RARB: variants seen among roughly 807,000 people sequenced by gnomAD.
The protein encoded by RARB is retinoic acid receptor beta, also known as HBV-activated protein.
A neutral mutation model predicts 51.9 loss-of-function variants in RARB; 17 were observed. The observed-to-expected ratio is 0.33, with a 90% CI of 0.22 to 0.49. RARB has a LOEUF of 0.49. Among genes scored for constraint, RARB ranks in the 20% least tolerant of loss-of-function variants. RARB has a pLI of 0.99. For synonymous variants in RARB, 215 were observed against 195.4 expected, an observed-to-expected ratio of 1.10 and a Z score of -0.84; for missense variants, 369 against 550.8, an observed-to-expected ratio of 0.67 and a Z score of 3.30.
intron 2 of RARB, among the ~76,000 whole-genome samples, chr3:25,049,219 G>A (rs536862349): frequency 6.6e-6 from 1 of 152,292 alleles, no homozygotes; most frequent in South Asian, 2.1e-4. Flanking sequence ...AAGAACTAAG[G>A]AACTGGGAGA....
chr3:24,873,296 T>C (rs2125350929), intron 2 of RARB, among the ~76,000 whole-genome samples: 1 of 152,146 alleles, frequency 6.6e-6, no homozygotes, highest in East Asian at 1.9e-4. Flanking sequence ...TCATTAATGG[T>C]TATATGACCT....
At chr3:24,917,416 A>G (rs1695129292) in intron 2 of RARB, among the ~76,000 whole-genome samples, 1 of 152,242 alleles carries the variant, frequency 6.6e-6, no homozygotes, top group Admixed American at 6.5e-5. Context: ...TATTTGATGA[A>G]CTCATATCCA....
chr3:25,259,160 G>T, intron 5 of RARB: 1 of 837,894 alleles, frequency 1.2e-6, no homozygotes, highest in Non-Finnish European at 1.4e-6. Context: ...ATAGTAAATA[G>T]ATATGGTAAA....
At chr3:25,247,542 T>C (rs929482929) in intron 5 of RARB, among the ~76,000 whole-genome samples, 2 of 152,176 alleles carry the variant, frequency 1.3e-5, no homozygotes, top group South Asian at 4.1e-4. Context: ...CCTCATGGCG[T>C]GGTCCCTCAC....
chr3:25,221,062 C>A (rs1475153881), intron 5 of RARB, among the ~76,000 whole-genome samples: 2 of 151,690 alleles, frequency 1.3e-5, no homozygotes, highest in Non-Finnish European at 2.9e-5. Flanking sequence ...TTCTTTCTTA[C>A]TTGTAATTTA....
intron 2 of RARB, among the ~76,000 whole-genome samples, chr3:24,979,708 G>T (rs558885791): frequency 6.6e-6 from 1 of 151,964 alleles, no homozygotes; most frequent in African/African-American, 2.4e-5. Flanking sequence ...GCACACCAAA[G>T]GGTCTTGACT....
intron 2 of RARB, among the ~76,000 whole-genome samples, chr3:25,042,888 T>C (rs1387901468): frequency 2.0e-5 from 3 of 152,202 alleles, no homozygotes; most frequent in Non-Finnish European, 4.4e-5. Context: ...ACAACCACTT[T>C]TCTACTCTCT....
intron 2 of RARB, among the ~76,000 whole-genome samples, chr3:25,044,024 C>G (rs1364465766): frequency 6.8e-6 from 1 of 147,144 alleles, no homozygotes; most frequent in African/African-American, 2.5e-5. Flanking sequence ...TCAGGTTTTC[C>G]CATTTTTTTT....
chr3:25,406,052 A>G (rs951070786), intron 5 of RARB, among the ~76,000 whole-genome samples: 1 of 152,166 alleles, frequency 6.6e-6, no homozygotes, highest in Non-Finnish European at 1.5e-5. Flanking sequence ...TAACCATAAG[A>G]ACTGGCCATC....
chr3:25,551,209 A>C (rs1699840007), intron 3 of RARB, among the ~76,000 whole-genome samples: 1 of 152,190 alleles, frequency 6.6e-6, no homozygotes, highest in Non-Finnish European at 1.5e-5. Context: ...AAGGTATTAT[A>C]GGGGGCCCAG....
chr3:24,954,677 G>C (rs1215357051), intron 2 of RARB, among the ~76,000 whole-genome samples: 2 of 152,060 alleles, frequency 1.3e-5, no homozygotes, highest in Non-Finnish European at 2.9e-5. Flanking sequence ...GAAGGGGGTG[G>C]AGTCATTATT....
intron 2 of RARB, among the ~76,000 whole-genome samples, chr3:25,035,927 G>A (rs1279772410): frequency 6.6e-6 from 1 of 152,124 alleles, no homozygotes; most frequent in Non-Finnish European, 1.5e-5. Flanking sequence ...TAACTAAATG[G>A]TGAACTGCCA....
rs1392500091 is a variant in RARB, at chr3:25,428,328, A to G, written c.-404A>G. ...GGGTCTATTCTTTGCCAAAGGGGGG[A>G]CCAGAATTCCCCCATGCGAGCTGTT... On this transcript the variant is annotated 5_prime_UTR_variant, in exon 1 of 8. Transcript: ENST00000330688. 2 of 1,244,886 alleles carry G rather than the reference A, an allele frequency of 1.6e-6. No homozygotes were observed. Among genetic ancestry groups the G allele is most frequent in the African/African-American group, 3.1e-5 (2 of 64,710 alleles). 77.1% of individuals were successfully genotyped at this position (1,244,886 alleles called of 1,614,324 possible). A position where few individuals can be genotyped will look rare whatever the true frequency, so the allele number is the denominator to read the frequency against.
At chr3:24,872,773 CATG>C (rs1256202491) in intron 2 of RARB, among the ~76,000 whole-genome samples, 1 of 152,186 alleles carries the variant, frequency 6.6e-6, no homozygotes, top group Non-Finnish European at 1.5e-5. Flanking sequence ...CACATTTCAA[CATG>C]ATATTTGCAG....
At chr3:25,371,498 T>C (rs1043863080) in intron 5 of RARB, among the ~76,000 whole-genome samples, 2 of 152,238 alleles carry the variant, frequency 1.3e-5, no homozygotes, top group Non-Finnish European at 2.9e-5. Flanking sequence ...ATATCTTTCA[T>C]GGTTTCTGAT....
intron 1 of RARB, among the ~76,000 whole-genome samples, chr3:24,857,722 C>T (rs1415632105): frequency 6.6e-6 from 1 of 152,114 alleles, no homozygotes; most frequent in Admixed American, 6.5e-5. Context: ...CAAGACCAGG[C>T]TGGGGAACAT....
At chr3:25,541,391 C>T (rs1005757947) in intron 3 of RARB, among the ~76,000 whole-genome samples, 1 of 152,180 alleles carries the variant, frequency 6.6e-6, no homozygotes, top group African/African-American at 2.4e-5. Context: ...GACCTTTACT[C>T]TCCTGTAATC....
Position 25,124,435 on chromosome 3 carries a change from A to G in RARB, c.-327-7726A>G, listed in dbSNP as rs373735245. Among the ~76,000 whole-genome samples, 53 of 152,272 alleles carry G rather than the reference A, an allele frequency of 3.5e-4. No individual in the cohort carries two copies. In the East Asian group the frequency reaches 5.0e-3, roughly 14 times the overall value. ...TCCCGAACTTTCTTAAATGGTCTTC[A>G]TTTCTTATATAATGAAAAAGTACAC... On this transcript the variant is annotated intron_variant, in intron 3 of 11. Coordinates refer to the RARB transcript ENST00000383772.
chr3:24,876,635 A>G (rs1343626309), intron 2 of RARB, among the ~76,000 whole-genome samples: 3 of 152,240 alleles, frequency 2.0e-5, no homozygotes, highest in African/African-American at 2.4e-5. Flanking sequence ...TTATTTCTCA[A>G]TCTCAAGTAG....
Sources: gnomAD v4.1 joint callset for allele counts (sites outside exome capture counted in the v4.1 genomes callset) on GRCh38, gnomAD v4.1.1 for gene constraint, MANE v1.5 for transcripts, NCBI Gene and HGNC (gene_info 2026-07-23, HGNC 2026-07-21) for gene names.